SDC4: variants seen among roughly 807,000 people sequenced by gnomAD.
The protein encoded by SDC4 is syndecan-4.
In SDC4, 17 loss-of-function variants were observed where a neutral mutation model predicts 20.5. That is an observed-to-expected ratio of 0.83 (90% CI 0.57 to 1.25). SDC4 has a LOEUF of 1.25. Among genes scored for constraint, SDC4 ranks in the 50% most tolerant of loss-of-function variants. The pLI is 0.00. For missense variants in SDC4, 241 were observed against 252.3 expected, an observed-to-expected ratio of 0.96 and a Z score of 0.30; for synonymous variants, 107 against 105.3, an observed-to-expected ratio of 1.02 and a Z score of -0.10.
chr20:45,331,680 A>G (rs1330741161), intron 3 of SDC4, among the ~76,000 whole-genome samples: 1 of 152,224 alleles, frequency 6.6e-6, no homozygotes, highest in Non-Finnish European at 1.5e-5. Context: ...TAATTATACT[A>G]CATTAGCATG....
chr20:45,341,232 T>C (rs1320231371), intron 1 of SDC4, among the ~76,000 whole-genome samples: 1 of 152,194 alleles, frequency 6.6e-6, no homozygotes, highest in East Asian at 1.9e-4. Context: ...CTGGGAAAAC[T>C]TGCAGAGGCA....
At chr20:45,336,434 A>G (rs1197439873) in intron 1 of SDC4, among the ~76,000 whole-genome samples, 1 of 152,164 alleles carries the variant, frequency 6.6e-6, no homozygotes, top group Non-Finnish European at 1.5e-5. Context: ...AAAACAGTAA[A>G]TGAGGTAATA....
At chr20:45,330,644 G>A in intron 3 of SDC4, 80 bp from the exon 4 acceptor site, 1 of 1,256,456 alleles carries the variant, frequency 8.0e-7, no homozygotes, top group Non-Finnish European at 1.1e-6. Context: ...ATTCAGCCAG[G>A]CAGAGAATCT....
rs577519125 is a variant in SDC4, at chr20:45,344,738, G to A, written c.60+3587C>T. Among the ~76,000 whole-genome samples, 8 of 152,252 alleles carry A rather than the reference G, an allele frequency of 5.3e-5. No individual in the cohort carries two copies. The South Asian group carries it at 1.2e-3, about 24-fold the overall frequency. ...TTTGTTTAGACTCTTCACCAAGGAG[G>A]CCAGCAAAGGGCCCCTCCCCTCATC... On this transcript the variant is annotated intron_variant, in intron 1 of 4. Coordinates refer to ENST00000372733, the MANE Select transcript of SDC4 (RefSeq NM_002999.4).
At chr20:45,333,766 C>T (rs1044201918) in intron 2 of SDC4, among the ~76,000 whole-genome samples, 1 of 152,164 alleles carries the variant, frequency 6.6e-6, no homozygotes, top group Non-Finnish European at 1.5e-5. Flanking sequence ...CTTTCCATTA[C>T]AATGCTTAAA....
At chr20:45,332,233 G>A (rs532844699) in intron 3 of SDC4, among the ~76,000 whole-genome samples, 4 of 150,550 alleles carry the variant, frequency 2.7e-5, no homozygotes, top group African/African-American at 7.4e-5. Flanking sequence ...TCTGCCCACT[G>A]CAATCTCTGC....
At chr20:45,343,958 G>A (rs778976968) in intron 1 of SDC4, among the ~76,000 whole-genome samples, 2 of 152,204 alleles carry the variant, frequency 1.3e-5, no homozygotes, top group African/African-American at 2.4e-5. Flanking sequence ...CCAGTAAGAG[G>A]TGGACTTCGC....
At chr20:45,348,241 C>CG (rs1417140780) in intron 1 of SDC4, 84 bp downstream of exon 1, 2 of 1,204,644 alleles carry the variant, frequency 1.7e-6, no homozygotes, top group Admixed American at 2.0e-5. Context: ...ATCTGCCCCC[C>CG]CCCATCCCAC....
intron 1 of SDC4, among the ~76,000 whole-genome samples, chr20:45,347,536 C>G (rs753533569): frequency 1.6e-4 from 24 of 152,174 alleles, no homozygotes; most frequent in Non-Finnish European, 2.8e-4. Flanking sequence ...CCCCCTACCC[C>G]CTTCACCTCA....
intron 4 of SDC4, among the ~76,000 whole-genome samples, chr20:45,328,400 C>G (rs1987727228): frequency 1.3e-5 from 2 of 152,186 alleles, no homozygotes. Context: ...GTGCTTAGAA[C>G]AATGCCTAGT....
At chr20:45,335,650 G>T in intron 2 of SDC4, 132 bp downstream of exon 2, 2 of 920,996 alleles carry the variant, frequency 2.2e-6, no homozygotes, top group Non-Finnish European at 3.3e-6. Context: ...CCCTTTTTTT[G>T]AGAAGGAAGA....
intron 4 of SDC4, among the ~76,000 whole-genome samples, chr20:45,328,929 G>A (rs1276176512): frequency 1.3e-5 from 2 of 152,124 alleles, no homozygotes; most frequent in East Asian, 3.9e-4. Flanking sequence ...GTTCCTCCAC[G>A]AGGCCCTGGG....
intron 4 of SDC4, 30 bp from the exon 5 acceptor site, chr20:45,327,445 G>A (rs1987710532): frequency 1.2e-6 from 2 of 1,604,698 alleles, no homozygotes; most frequent in Admixed American, 1.7e-5. Context: ...AGAGGCGGGG[G>A]TGAGAGCTCC....
rs767363926 is a variant in SDC4 at position 45,330,480 on chromosome 20, C to T, written c.331G>A (p.Val111Ile). The T allele has an allele frequency of 1.2e-6, 2 of 1,614,186 alleles. No homozygotes were observed. Among genetic ancestry groups the T allele is most frequent in the Admixed American group, 1.7e-5 (1 of 60,024 alleles). ...ACGGGTGAGATTCTCTTGGGGATAA[C>T]CTCATTCTCCTCTAGTTTCTTGGGT... is the stretch of plus-strand genomic sequence containing the variant. ...TEPKKLEENE[V>I]IPKRISPVEE... The change falls in exon 4 of 5, where the codon GTT (valine) becomes ATT (isoleucine). Residue 111 changes from valine (V) to isoleucine (I), a missense_variant. Val to Ile is a conservative substitution (Grantham distance 29). Coordinates refer to ENST00000372733, the MANE Select transcript of SDC4 (RefSeq NM_002999.4).
Position 45,335,777 on chromosome 20 carries a change from C to T in SDC4, c.199+5G>A, listed in dbSNP as rs781002397. On this transcript the variant is annotated splice_donor_5th_base_variant and intron_variant, in intron 2 of 4. Coordinates refer to ENST00000372733, the MANE Select transcript of SDC4 (RefSeq NM_002999.4). ...GCCTACGCCTGCCCAGCACACCTTC[C>T]GTACCCAGATCTCCAGAGCCAGACA... The T allele has an allele frequency of 1.6e-5, 26 of 1,613,404 alleles. No individual in the cohort carries two copies. Among genetic ancestry groups the T allele is most frequent in the East Asian group, 6.7e-5 (3 of 44,888 alleles).
rs376187923 is a variant in SDC4, at chr20:45,347,517, C to A, written c.60+808G>T. Among the ~76,000 whole-genome samples the A allele has an allele frequency of 3.3e-5, 5 of 152,238 alleles. No homozygotes were observed. The South Asian group carries it at 6.2e-4, about 19-fold the overall frequency. On this transcript the variant is annotated intron_variant, in intron 1 of 4. Transcript: ENST00000372733. ...AAAGGTTTCCCTGGGCTGATTGAGG[C>A]CTTCTCTCCCCCCTACCCCCTTCAC...
chr20:45,333,101 T>A (rs903450049), intron 2 of SDC4, 32 bp from the exon 3 acceptor site: 27 of 1,609,244 alleles, frequency 1.7e-5, no homozygotes, highest in Non-Finnish European at 2.2e-5. Context: ...GTGAGTGAGG[T>A]CCATTACCCC....
chr20:45,327,304 G>C lies in SDC4; in HGVS notation c.557C>G (p.Pro186Arg). Residue 186 changes from proline (P) to arginine (R), a missense_variant, in exon 5 of 5, where the codon CCC (proline) becomes CGC (arginine). Physicochemically the swap from Pro to Arg is moderately radical, Grantham distance 103. Transcript: ENST00000372733. ...ATTGGTGGGGGCTTTCTTGTAGATG[G>C]GTTTCTTGCCCAGGTCATAGCTGCC... ...DEGSYDLGKK[P>R]IYKKAPTNEF... is the part of the protein sequence containing the mutation. The C allele has an allele frequency of 6.2e-7, 1 of 1,614,178 alleles. No homozygotes were observed. Among genetic ancestry groups the C allele is most frequent in the Non-Finnish European group, 8.5e-7 (1 of 1,180,026 alleles).
intron 1 of SDC4, among the ~76,000 whole-genome samples, chr20:45,341,717 G>C (rs982070533): frequency 6.6e-6 from 1 of 152,126 alleles, no homozygotes; most frequent in African/African-American, 2.4e-5. Flanking sequence ...ACTCAGGAGA[G>C]AGCCAGGCCT....
Sources: gnomAD v4.1 joint callset for allele counts (sites outside exome capture counted in the v4.1 genomes callset) on GRCh38, gnomAD v4.1.1 for gene constraint, MANE v1.5 for transcripts, NCBI Gene and HGNC (gene_info 2026-07-23, HGNC 2026-07-21) for gene names.